The following PTPRM variants were observed in gnomAD, a reference collection of about 807,000 sequenced individuals.
PTPRM encodes the protein receptor-type tyrosine-protein phosphatase mu.
In PTPRM, 47 loss-of-function variants were observed where a neutral mutation model predicts 186.7. The ratio of observed to expected loss-of-function variants is 0.25; its 90% CI spans 0.20 to 0.32. PTPRM has a LOEUF of 0.32. Among genes scored for constraint, PTPRM ranks in the 10% least tolerant of loss-of-function variants. PTPRM has a pLI of 1.00. For missense variants in PTPRM, 1,494 were observed against 1,865.0 expected, an observed-to-expected ratio of 0.80 and a Z score of 3.66; for synonymous variants, 668 against 674.9, an observed-to-expected ratio of 0.99 and a Z score of 0.16.
chr18:8,246,344 T>C (rs1190711818), intron 15 of PTPRM, among the ~76,000 whole-genome samples: 2 of 152,040 alleles, frequency 1.3e-5, no homozygotes, highest in Non-Finnish European at 2.9e-5. Context: ...AATTTAAAAA[T>C]AAGCATGACC....
At chr18:8,316,224 A>G (rs1269055134) in intron 21 of PTPRM, among the ~76,000 whole-genome samples, 5 of 152,182 alleles carry the variant, frequency 3.3e-5, no homozygotes, top group African/African-American at 1.2e-4. Flanking sequence ...TGCAGTCTCT[A>G]CTGGGTCCTT....
intron 7 of PTPRM, among the ~76,000 whole-genome samples, chr18:8,046,938 G>A (rs1231179385): frequency 1.3e-5 from 2 of 152,088 alleles, no homozygotes; most frequent in South Asian, 2.1e-4. Context: ...ATGTACTCTT[G>A]CAACAAGGTA....
At chr18:8,156,321 G>T (rs948576336) in intron 14 of PTPRM, among the ~76,000 whole-genome samples, 132 of 152,154 alleles carry the variant, frequency 8.7e-4, no homozygotes, top group African/African-American at 3.1e-3. Context: ...GGAGGAAAGT[G>T]TCAGAGAATG....
chr18:8,261,538 A>G (rs2094631524), intron 19 of PTPRM, among the ~76,000 whole-genome samples: 1 of 152,146 alleles, frequency 6.6e-6, no homozygotes, highest in Admixed American at 6.5e-5. Context: ...GTTGGTTTTG[A>G]CATGAATATT....
chr18:7,708,419 A>C (rs887334862), intron 1 of PTPRM, among the ~76,000 whole-genome samples: 6 of 152,324 alleles, frequency 3.9e-5, no homozygotes, highest in African/African-American at 1.4e-4. Flanking sequence ...TTACTACTTT[A>C]AGAGAATAAC....
chr18:7,844,141 A>C (rs2046478812), intron 2 of PTPRM, among the ~76,000 whole-genome samples: 1 of 152,112 alleles, frequency 6.6e-6, no homozygotes, highest in Non-Finnish European at 1.5e-5. Context: ...GGGAATGTAG[A>C]CCCCACCACT....
At chr18:8,020,365 A>G (rs2085135024) in intron 7 of PTPRM, among the ~76,000 whole-genome samples, 2 of 152,202 alleles carry the variant, frequency 1.3e-5, no homozygotes, top group South Asian at 2.1e-4. Context: ...CAGCCTTTTC[A>G]GTATTTCTCT....
chr18:8,164,678 G>A (rs2093290873), intron 14 of PTPRM, among the ~76,000 whole-genome samples: 1 of 152,162 alleles, frequency 6.6e-6, no homozygotes, highest in Admixed American at 6.5e-5. Flanking sequence ...TAGTATGGTA[G>A]CTGCCAGGGG....
chr18:7,849,908 C>T (rs1418464355), intron 2 of PTPRM, among the ~76,000 whole-genome samples: 2 of 152,178 alleles, frequency 1.3e-5, no homozygotes, highest in African/African-American at 4.8e-5. Context: ...TATTTTAATA[C>T]TAGTAATCAT....
At chr18:8,241,148 C>T (rs146356432) in intron 14 of PTPRM, among the ~76,000 whole-genome samples, 2,559 of 152,016 alleles carry the variant, frequency 0.017, 69 homozygotes, top group African/African-American at 0.059. Flanking sequence ...GCCAACATGG[C>T]GAAACCCCAC....
At chr18:8,162,435 G>C (rs2093249218) in intron 14 of PTPRM, among the ~76,000 whole-genome samples, 1 of 152,160 alleles carries the variant, frequency 6.6e-6, no homozygotes, top group South Asian at 2.1e-4. Context: ...TTACATGAAT[G>C]GTCTTTCTGG....
At chr18:8,404,237 C>T (rs533630086) in intron 32 of PTPRM, 2 of 152,344 alleles carry the variant, frequency 1.3e-5, no homozygotes, top group African/African-American at 4.8e-5. Flanking sequence ...TTATGTGAGC[C>T]TTCTCGTGAA....
At chr18:8,214,117 G>C (rs1460338107) in intron 14 of PTPRM, among the ~76,000 whole-genome samples, 1 of 152,146 alleles carries the variant, frequency 6.6e-6, no homozygotes, top group Non-Finnish European at 1.5e-5. Context: ...GAGGGGGGCA[G>C]GTAGGGGAGT....
chr18:8,057,639 T>G (rs1204472434), intron 7 of PTPRM, among the ~76,000 whole-genome samples: 14 of 106,086 alleles, frequency 1.3e-4, no homozygotes, highest in South Asian at 7.9e-4. Context: ...GAGTGTGATA[T>G]TCCCCTTCCT....
At position 8,178,381 on chromosome 18, in the gene PTPRM, A is replaced by G. The variant is rs377296285; in HGVS notation, c.2300+34602A>G. ...CCATTTTCATTAAAAACAAATCATGATAGGACTGATTTGTTTGCAAAATAA... is the reference window on the plus strand; with the variant it reads ...CCATTTTCATTAAAAACAAATCATGGTAGGACTGATTTGTTTGCAAAATAA... On this transcript the variant is annotated intron_variant, in intron 14 of 32. Transcript: ENST00000580170. 2.7e-3 allele frequency among the ~76,000 whole-genome samples: 418 copies of G among 152,318 alleles called. 1 individual carries two copies. The highest frequency in any genetic ancestry group is 9.2e-3 in the African/African-American group (382 of 41,564).
intron 25 of PTPRM, 127 bp from the exon 26 acceptor site, chr18:8,376,335 A>G: frequency 6.5e-7 from 1 of 1,534,036 alleles, no homozygotes; most frequent in Non-Finnish European, 8.9e-7. Context: ...ACTAAATGCC[A>G]CTGGAGTGTA....
intron 23 of PTPRM, among the ~76,000 whole-genome samples, chr18:8,353,740 T>C (rs995166676): frequency 6.6e-6 from 1 of 152,144 alleles, no homozygotes; most frequent in Non-Finnish European, 1.5e-5. Context: ...AGCAATAATG[T>C]GGTGCTTTCC....
At chr18:8,099,739 A>G (rs1213168142) in intron 11 of PTPRM, among the ~76,000 whole-genome samples, 2 of 152,218 alleles carry the variant, frequency 1.3e-5, no homozygotes, top group Non-Finnish European at 2.9e-5. Flanking sequence ...AATCTCTCTG[A>G]TGTAAACAAT....
intron 14 of PTPRM, among the ~76,000 whole-genome samples, chr18:8,241,279 A>G (rs113082929): frequency 9.5e-4 from 144 of 152,336 alleles, no homozygotes; most frequent in Non-Finnish European, 1.7e-3. Context: ...CGGAGGTTGC[A>G]GTGAGTCAAG....
Sources: gnomAD v4.1 joint callset for allele counts (sites outside exome capture counted in the v4.1 genomes callset) on GRCh38, gnomAD v4.1.1 for gene constraint, MANE v1.5 for transcripts, NCBI Gene and HGNC (gene_info 2026-07-23, HGNC 2026-07-21) for gene names.